Variants in LACTB2 observed in about 807,000 individuals in gnomAD.
The protein encoded by LACTB2 is endoribonuclease LACTB2.
Under a neutral mutation model 34.8 loss-of-function variants are expected in LACTB2, and 32 were observed. The ratio of observed to expected loss-of-function variants is 0.92; its 90% CI spans 0.69 to 1.24. The LOEUF (loss-of-function observed/expected upper bound fraction) is 1.24, where lower values mean the gene tolerates loss of function less well. LACTB2 is among the 50% of genes most tolerant of loss of function. The probability of loss-of-function intolerance (pLI) is 0.00; values close to 1 mark genes in which losing one functional copy is unlikely to be tolerated. For missense variants in LACTB2, 320 were observed against 345.0 expected, an observed-to-expected ratio of 0.93 and a Z score of 0.57; for synonymous variants, 120 against 117.5, an observed-to-expected ratio of 1.02 and a Z score of -0.14.
chr8:70,669,128 TCAGCCGCCC>T lies in LACTB2; in HGVS notation c.-17_-9del. The T allele has an allele frequency of 6.2e-7, 1 of 1,608,988 alleles. No individual in the cohort carries two copies. Among genetic ancestry groups the T allele is most frequent in the Non-Finnish European group, 8.5e-7 (1 of 1,178,198 alleles). On this transcript the variant is annotated 5_prime_UTR_variant, in exon 1 of 7. Coordinates refer to ENST00000276590, the MANE Select transcript of LACTB2 (RefSeq NM_016027.3). ...CTGCAGTACAGCAGCCATTCCCGCC[TCAGCCGCCC>T]GCCGGCGTGTCGCCTATCTGGATAC...
chr8:70,644,274 C>CA (rs769367077), intron 3 of LACTB2, 31 bp from the exon 4 acceptor site: 1 of 1,418,504 alleles, frequency 7.0e-7, no homozygotes, highest in East Asian at 2.5e-5. Flanking sequence ...GGAATAATAA[C>CA]AATTATGAAC....
chr8:70,641,038 A>C lies in LACTB2; in HGVS notation c.605T>G (p.Val202Gly). The C allele has an allele frequency of 6.2e-7, 1 of 1,602,026 alleles. No homozygotes were observed. The highest frequency in any genetic ancestry group is 2.3e-5 in the East Asian group (1 of 44,312). Residue 202 changes from valine to glycine, a missense_variant, in exon 5 of 7, where the codon GTA (valine) becomes GGA (glycine). Transcript: ENST00000276590. ...ADIIYPGHGP[V>G]IHNAEAKIQQ... ...AATTTTAGCTTCAGCATTATGAATT[A>C]CTGGGCCATGTCCTGAATTAAAATA...
chr8:70,666,775 T>C (rs1057333872), intron 1 of LACTB2, among the ~76,000 whole-genome samples: 1 of 152,112 alleles, frequency 6.6e-6, no homozygotes, highest in Non-Finnish European at 1.5e-5. Flanking sequence ...AGCAAATAAA[T>C]GTCAGGAAGG....
intron 1 of LACTB2, 94 bp downstream of exon 1, chr8:70,668,905 C>T: frequency 6.6e-7 from 1 of 1,507,970 alleles, no homozygotes; most frequent in Non-Finnish European, 8.9e-7. Context: ...GGACAGGACG[C>T]GGCGCTCTCC....
chr8:70,640,183 G>A (rs1264349776), intron 5 of LACTB2, among the ~76,000 whole-genome samples: 2 of 151,982 alleles, frequency 1.3e-5, no homozygotes, highest in African/African-American at 4.8e-5. Context: ...GCTTGTCTCG[G>A]ACTCCTGGGC....
At chr8:70,647,950 T>A (rs1055209783) in intron 3 of LACTB2, among the ~76,000 whole-genome samples, 1 of 151,664 alleles carries the variant, frequency 6.6e-6, no homozygotes, top group African/African-American at 2.4e-5. Context: ...GACAATATAC[T>A]AAAAAAAAGT....
chr8:70,666,781 G>A (rs1818536673), intron 1 of LACTB2, among the ~76,000 whole-genome samples: 1 of 152,202 alleles, frequency 6.6e-6, no homozygotes, highest in Non-Finnish European at 1.5e-5. Flanking sequence ...TAAATGTCAG[G>A]AAGGGTATTT....
At chr8:70,657,428 AT>A (rs777806428) in intron 3 of LACTB2, among the ~76,000 whole-genome samples, 4,668 of 115,804 alleles carry the variant, frequency 0.04, 159 homozygotes, top group African/African-American at 0.14. Flanking sequence ...CAGATCTTCT[AT>A]TTTTTTTTTT....
intron 2 of LACTB2, among the ~76,000 whole-genome samples, chr8:70,658,912 A>G (rs976168303): frequency 2.0e-5 from 3 of 152,184 alleles, no homozygotes; most frequent in African/African-American, 7.2e-5. Context: ...CTAACGTCCC[A>G]GATACTCGGG....
At chr8:70,659,208 C>T (rs760742006) in intron 2 of LACTB2, among the ~76,000 whole-genome samples, 12 of 151,730 alleles carry the variant, frequency 7.9e-5, no homozygotes, top group Non-Finnish European at 1.2e-4. Flanking sequence ...TAAACTTTAC[C>T]ACGTGTAATC....
intron 1 of LACTB2, chr8:70,662,167 A>G (rs542248074): frequency 7.7e-6 from 2 of 261,240 alleles, no homozygotes; most frequent in Non-Finnish European, 1.5e-5. Context: ...ACATGGCACC[A>G]TTCCAAGGAC....
intron 1 of LACTB2, 89 bp from the exon 2 acceptor site, chr8:70,661,986 ACTGC>A: frequency 8.7e-7 from 1 of 1,147,494 alleles, no homozygotes; most frequent in African/African-American, 1.6e-5. Flanking sequence ...CATTAAAGAA[ACTGC>A]AAAAATTATT....
At chr8:70,642,492 T>TA in intron 4 of LACTB2, among the ~76,000 whole-genome samples, 1 of 150,942 alleles carries the variant, frequency 6.6e-6, no homozygotes, top group Middle Eastern at 3.2e-3. Flanking sequence ...TTGGGTCCTG[T>TA]GTCTTTCTTA....
At chr8:70,668,890 G>T in intron 1 of LACTB2, 109 bp downstream of exon 1, 1 of 1,460,488 alleles carries the variant, frequency 6.8e-7, no homozygotes, top group Non-Finnish European at 9.2e-7. Flanking sequence ...GGGCTGCCCA[G>T]CTAGGGACAG....
intron 4 of LACTB2, among the ~76,000 whole-genome samples, chr8:70,642,395 G>A (rs1017917631): frequency 6.6e-6 from 1 of 152,124 alleles, no homozygotes; most frequent in Non-Finnish European, 1.5e-5. Context: ...CTGGATGGAC[G>A]GATCTTTCAA....
At chr8:70,664,041 C>T (rs965626807) in intron 1 of LACTB2, among the ~76,000 whole-genome samples, 2 of 152,112 alleles carry the variant, frequency 1.3e-5, no homozygotes, top group Non-Finnish European at 2.9e-5. Flanking sequence ...TCCAATAATA[C>T]TCTCTAGCCC....
chr8:70,662,214 T>G (rs1818488611), intron 1 of LACTB2: 1 of 184,670 alleles, frequency 5.4e-6, no homozygotes, highest in African/African-American at 2.4e-5. Flanking sequence ...TCGTAACAAC[T>G]GTTTAAAGTA....
At chr8:70,651,450 T>C (rs948551344) in intron 3 of LACTB2, among the ~76,000 whole-genome samples, 4 of 152,186 alleles carry the variant, frequency 2.6e-5, no homozygotes, top group African/African-American at 9.7e-5. Flanking sequence ...CATGTGTCTT[T>C]GTGTGGCGAT....
intron 2 of LACTB2, 130 bp from the exon 3 acceptor site, chr8:70,658,012 G>T: frequency 3.7e-6 from 2 of 536,380 alleles, no homozygotes; most frequent in Non-Finnish European, 6.2e-6. Flanking sequence ...AACAGAAAAT[G>T]GGATGAATTA....
Sources: gnomAD v4.1 joint callset for allele counts (sites outside exome capture counted in the v4.1 genomes callset) on GRCh38, gnomAD v4.1.1 for gene constraint, MANE v1.5 for transcripts, NCBI Gene and HGNC (gene_info 2026-07-23, HGNC 2026-07-21) for gene names.